RNF217: variants seen among roughly 807,000 people sequenced by gnomAD.
The protein encoded by RNF217 is E3 ubiquitin-protein ligase RNF217.
A neutral mutation model predicts 57.8 loss-of-function variants in RNF217; 31 were observed. The ratio of observed to expected loss-of-function variants is 0.54; its 90% CI spans 0.40 to 0.72. The LOEUF is 0.72. Among genes scored for constraint, RNF217 ranks in the 30% least tolerant of loss-of-function variants. The pLI is 0.00. For missense variants in RNF217, 696 were observed against 708.3 expected (o/e 0.98, Z 0.20); for synonymous variants, 313 against 294.0 (o/e 1.06, Z -0.66).
intron 1 of RNF217, among the ~76,000 whole-genome samples, chr6:125,016,066 A>C (rs1471859023): frequency 4.6e-5 from 7 of 152,184 alleles, no homozygotes; most frequent in Admixed American, 2.0e-4. Flanking sequence ...ATGACACTGG[A>C]TACCAACTAG....
intron 1 of RNF217, among the ~76,000 whole-genome samples, chr6:124,994,856 A>G (rs903483980): frequency 5.9e-5 from 9 of 152,152 alleles, no homozygotes; most frequent in African/African-American, 2.2e-4. Context: ...GACTGTTGGC[A>G]GGCTCTGGGA....
intron 1 of RNF217, among the ~76,000 whole-genome samples, chr6:125,006,382 A>G (rs892576867): frequency 1.3e-5 from 2 of 152,206 alleles, no homozygotes; most frequent in Admixed American, 1.3e-4. Context: ...AAAATTGTTT[A>G]ATCTCACTTT....
intron 1 of RNF217, among the ~76,000 whole-genome samples, chr6:125,042,377 G>A (rs900617292): frequency 1.3e-5 from 2 of 152,130 alleles, no homozygotes; most frequent in African/African-American, 4.8e-5. Flanking sequence ...CCTCTACAGG[G>A]GGAAGACAGA....
chr6:124,962,768 C>T lies in RNF217; in HGVS notation c.224C>T (p.Pro75Leu), dbSNP rs567601349. 7.5e-6 allele frequency: 12 copies of T among 1,594,368 alleles called. No homozygotes were observed. The highest frequency in any genetic ancestry group is 2.2e-5 in the East Asian group (1 of 44,706). ...CCAGAGCCCGCGAGGAGCCTGGGGC[C>T]CCCGGGCTGGAGTAAGAGCCGAGCA... ...SAPEPARSLG[P>L]PGWSKSRAPA... Residue 75 changes from proline (P) to leucine (L), a missense_variant, in exon 1 of 6, where the codon CCC becomes CTC. Pro to Leu is a moderately conservative substitution (Grantham distance 98). Around this residue, in one of 2 missense-constraint regions of RNF217, gnomAD observed 465 missense variants for 386.8 expected, o/e 1.20. Coordinates refer to ENST00000521654, the MANE Select transcript of RNF217 (RefSeq NM_001286398.3). The surrounding 1 kb of genome is among the most constrained non-coding windows in gnomAD (Gnocchi z 4.6).
chr6:124,967,913 G>A (rs1485239305), intron 1 of RNF217, among the ~76,000 whole-genome samples: 1 of 151,998 alleles, frequency 6.6e-6, no homozygotes, highest in Non-Finnish European at 1.5e-5. Context: ...TGAGTAGCTG[G>A]GATTACAGGT....
intron 4 of RNF217, among the ~76,000 whole-genome samples, chr6:125,077,579 G>A (rs1788426097): frequency 6.6e-6 from 1 of 152,042 alleles, no homozygotes; most frequent in African/African-American, 2.4e-5. Context: ...AAATCACCCT[G>A]GCCAAATGCC....
intron 1 of RNF217, chr6:125,009,382 C>A: frequency 1.4e-6 from 1 of 726,334 alleles, no homozygotes; most frequent in Non-Finnish European, 2.4e-6. Context: ...AGACATAGAG[C>A]CTGGAAGAGT....
intron 1 of RNF217, among the ~76,000 whole-genome samples, chr6:124,994,445 A>G (rs1208185486): frequency 1.3e-5 from 2 of 152,186 alleles, no homozygotes; most frequent in African/African-American, 4.8e-5. Flanking sequence ...ATCATTATAT[A>G]TCTAGTCAGT....
At chr6:125,026,688 G>A (rs530411045) in intron 1 of RNF217, among the ~76,000 whole-genome samples, 1 of 152,256 alleles carries the variant, frequency 6.6e-6, no homozygotes. Flanking sequence ...ATACAAGTCA[G>A]CTTTTTTTAG....
chr6:125,076,905 G>A (rs1245348170), intron 4 of RNF217, 47 bp downstream of exon 4: 2 of 1,522,450 alleles, frequency 1.3e-6, no homozygotes, highest in East Asian at 4.5e-5. Context: ...GAATTAAGTA[G>A]TGAAAATAGA....
Position 125,002,571 on chromosome 6 carries a change from A to T in RNF217, c.882+39145A>T, listed in dbSNP as rs528680766. 4.6e-5 allele frequency among the ~76,000 whole-genome samples: 7 copies of T among 151,856 alleles called. No homozygotes were observed. In the South Asian group the frequency reaches 1.5e-3, roughly 32 times the overall value. On this transcript the variant is annotated intron_variant, in intron 1 of 5. Coordinates refer to ENST00000521654, the MANE Select transcript of RNF217 (RefSeq NM_001286398.3). ...CTTTCATCCCCAAAGAATTTTTTTA[A>T]CCTTATTATCTACGACCACAGCCAC...
chr6:125,046,245 A>G (rs1787095686), intron 2 of RNF217, among the ~76,000 whole-genome samples: 1 of 152,096 alleles, frequency 6.6e-6, no homozygotes, highest in Non-Finnish European at 1.5e-5. Flanking sequence ...TCGGGCAGAT[A>G]AGAGCAGATC....
chr6:125,009,542 A>T (rs1201025884), intron 1 of RNF217: 2 of 368,032 alleles, frequency 5.4e-6, no homozygotes, highest in African/African-American at 4.2e-5. Flanking sequence ...TATTATGATG[A>T]TAGGATGTTG....
At chr6:125,010,927 A>T (rs974517904) in intron 1 of RNF217, among the ~76,000 whole-genome samples, 1 of 152,160 alleles carries the variant, frequency 6.6e-6, no homozygotes, top group Non-Finnish European at 1.5e-5. Context: ...TTCAGTTAAG[A>T]TGTACCTTCA....
intron 1 of RNF217, among the ~76,000 whole-genome samples, chr6:125,013,550 G>GA (rs142124188): frequency 0.28 from 41,362 of 145,580 alleles, 6,670 homozygotes; most frequent in South Asian, 0.44. Flanking sequence ...ATATGTCTGG[G>GA]AAAAAAAAAA....
chr6:125,081,518 C>T lies in RNF217; in HGVS notation c.1555+11C>T, dbSNP rs1423068463. The T allele has an allele frequency of 1.3e-6, 2 of 1,596,736 alleles. No individual in the cohort carries two copies. The highest frequency in any genetic ancestry group is 1.3e-5 in the African/African-American group (1 of 74,436). On this transcript the variant is annotated intron_variant, in intron 5 of 5. Transcript: ENST00000521654. ...TAGCGGTTGTAATCGGTAAGAAACA[C>T]TTCATGCATCTGAGATTAGAATTAT... is the stretch of plus-strand genomic sequence containing the variant.
At chr6:125,052,808 C>T (rs1787377342) in intron 2 of RNF217, among the ~76,000 whole-genome samples, 1 of 152,080 alleles carries the variant, frequency 6.6e-6, no homozygotes, top group Admixed American at 6.6e-5. Context: ...CAATTATTTA[C>T]CATTTTGGTT....
chr6:125,015,823 C>T (rs1267403925), intron 1 of RNF217, among the ~76,000 whole-genome samples: 1 of 152,022 alleles, frequency 6.6e-6, no homozygotes, highest in Non-Finnish European at 1.5e-5. Context: ...TAAGAACTAA[C>T]ATTTGGAAAC....
intron 1 of RNF217, among the ~76,000 whole-genome samples, chr6:124,966,726 T>A (rs1783557652): frequency 6.6e-6 from 1 of 152,216 alleles, no homozygotes; most frequent in South Asian, 2.1e-4. Flanking sequence ...TGCACAGTTC[T>A]TTGAAAGAAG....
Sources: gnomAD v4.1 joint callset for allele counts (sites outside exome capture counted in the v4.1 genomes callset) on GRCh38, gnomAD v4.1.1 for gene constraint, gnomAD v4.1.1 regional missense constraint, Gnocchi (gnomAD v3.1) non-coding constraint, MANE v1.5 for transcripts, NCBI Gene and HGNC (gene_info 2026-07-23, HGNC 2026-07-21) for gene names.